SRGAP1: variants seen among roughly 807,000 people sequenced by gnomAD.
SRGAP1 encodes the protein SLIT-ROBO Rho GTPase-activating protein 1.
A neutral mutation model predicts 121.9 loss-of-function variants in SRGAP1; 43 were observed. The ratio of observed to expected loss-of-function variants is 0.35; its 90% CI spans 0.28 to 0.46. The LOEUF (loss-of-function observed/expected upper bound fraction) is 0.46, where lower values mean the gene tolerates loss of function less well. Ranked by LOEUF, SRGAP1 falls within the 20% of genes least tolerant of loss-of-function variation. The probability of loss-of-function intolerance (pLI) is 1.00; values close to 1 mark genes in which losing one functional copy is unlikely to be tolerated. For missense variants in SRGAP1, 1,102 were observed against 1,350.9 expected, an observed-to-expected ratio of 0.82 and a Z score of 2.89; for synonymous variants, 447 against 485.4, an observed-to-expected ratio of 0.92 and a Z score of 1.04.
chr12:63,931,660 G>C (rs1390540430), intron 1 of SRGAP1, among the ~76,000 whole-genome samples: 1 of 152,046 alleles, frequency 6.6e-6, no homozygotes, highest in African/African-American at 2.4e-5. Flanking sequence ...ACGTGCTATG[G>C]GTCTTGTCAA....
chr12:63,859,640 A>G (rs1003377763), intron 1 of SRGAP1, among the ~76,000 whole-genome samples: 1 of 152,194 alleles, frequency 6.6e-6, no homozygotes, highest in African/African-American at 2.4e-5. Flanking sequence ...TTAAGATAAT[A>G]CAGTTATTTT....
chr12:63,868,975 T>C (rs1899758894), intron 1 of SRGAP1, among the ~76,000 whole-genome samples: 1 of 152,194 alleles, frequency 6.6e-6, no homozygotes. Flanking sequence ...TCACTAGTTG[T>C]GTCAAAAATA....
intron 6 of SRGAP1, among the ~76,000 whole-genome samples, chr12:64,049,869 A>G (rs1341406813): frequency 6.6e-6 from 1 of 152,114 alleles, no homozygotes; most frequent in Non-Finnish European, 1.5e-5. Flanking sequence ...GGCTTTGGCT[A>G]CTGGAGGTTT....
intron 3 of SRGAP1, among the ~76,000 whole-genome samples, chr12:64,011,927 C>A (rs1271451660): frequency 2.0e-5 from 3 of 152,040 alleles, no homozygotes; most frequent in Non-Finnish European, 4.4e-5. Flanking sequence ...CATGGCAAAA[C>A]CCTCTCTACA....
At chr12:64,085,356 C>T (rs1286818365) in intron 10 of SRGAP1, among the ~76,000 whole-genome samples, 1 of 151,996 alleles carries the variant, frequency 6.6e-6, no homozygotes, top group Non-Finnish European at 1.5e-5. Context: ...TGCATCATAC[C>T]TAATTAGACT....
chr12:64,010,885 C>T (rs923675877), intron 3 of SRGAP1, among the ~76,000 whole-genome samples: 2 of 150,960 alleles, frequency 1.3e-5, no homozygotes, highest in African/African-American at 4.9e-5. Context: ...GAACTCTTAG[C>T]CAGTATACTA....
chr12:63,854,080 A>G (rs1038803788), intron 1 of SRGAP1, among the ~76,000 whole-genome samples: 1 of 152,222 alleles, frequency 6.6e-6, no homozygotes, highest in African/African-American at 2.4e-5. Context: ...AGTTTAAAGA[A>G]TAGTAGCTTT....
chr12:64,121,608 T>C (rs1019752771), intron 18 of SRGAP1, among the ~76,000 whole-genome samples: 1 of 152,092 alleles, frequency 6.6e-6, no homozygotes, highest in Non-Finnish European at 1.5e-5. Flanking sequence ...CATCCTTTCT[T>C]TTGGGTTTCT....
intron 1 of SRGAP1, among the ~76,000 whole-genome samples, chr12:63,849,433 G>A (rs1317876472): frequency 1.3e-5 from 2 of 152,216 alleles, no homozygotes; most frequent in Non-Finnish European, 2.9e-5. Context: ...AATGCATGTT[G>A]CTAGTTGCTA....
At chr12:64,091,414 TGCTTCTTAC>T in intron 12 of SRGAP1, 36 bp downstream of exon 12, 2 of 1,481,742 alleles carry the variant, frequency 1.3e-6, no homozygotes, top group Non-Finnish European at 1.9e-6. Flanking sequence ...CTGATCTCCA[TGCTTCTTAC>T]TATAATGGTC....
chr12:63,958,971 G>T (rs1439406905), intron 1 of SRGAP1, among the ~76,000 whole-genome samples: 2 of 152,126 alleles, frequency 1.3e-5, no homozygotes, highest in Non-Finnish European at 2.9e-5. Flanking sequence ...CTCCAGGGAG[G>T]TAATACAAAT....
chr12:63,853,340 G>A (rs2136256434), intron 1 of SRGAP1, among the ~76,000 whole-genome samples: 1 of 152,142 alleles, frequency 6.6e-6, no homozygotes, highest in Non-Finnish European at 1.5e-5. Context: ...AAAATTTTAA[G>A]TTGAATTCAA....
At chr12:63,993,853 C>T (rs1220105488) in intron 3 of SRGAP1, among the ~76,000 whole-genome samples, 3 of 141,826 alleles carry the variant, frequency 2.1e-5, no homozygotes, top group African/African-American at 8.0e-5. Flanking sequence ...AAGTTTTCAA[C>T]AGGTTAAAAA....
intron 15 of SRGAP1, among the ~76,000 whole-genome samples, chr12:64,103,046 C>T (rs117284975): frequency 0.037 from 5,612 of 152,156 alleles, 133 homozygotes; most frequent in Middle Eastern, 0.082. Flanking sequence ...ATTGCAGTGG[C>T]GTGATCACAG....
At position 64,128,081 on chromosome 12, in the gene SRGAP1, A is replaced by T; in HGVS notation, c.2761A>T (p.Ile921Phe). 1 of 1,614,116 alleles carries T rather than the reference A, an allele frequency of 6.2e-7. No individual in the cohort carries two copies. Among genetic ancestry groups the T allele is most frequent in the Middle Eastern group, 1.6e-4 (1 of 6,062 alleles). ...GCCTGGCCATGGCAGCCTGACCAAC[A>T]TCAGCCGGCACGACTCCCTCAAGAA... ...RRPGHGSLTN[I>F]SRHDSLKKID... Residue 921 changes from isoleucine (I) to phenylalanine (F), a missense_variant, in exon 21 of 22, where the codon ATC (isoleucine) becomes TTC (phenylalanine). Physicochemically the swap from Ile to Phe is conservative, Grantham distance 21. Transcript: ENST00000355086.
intron 3 of SRGAP1, among the ~76,000 whole-genome samples, chr12:63,994,112 A>G (rs994259748): frequency 1.3e-5 from 2 of 152,092 alleles, no homozygotes; most frequent in South Asian, 4.2e-4. Flanking sequence ...ATAGTAATCT[A>G]CTCCAGATAG....
intron 21 of SRGAP1, among the ~76,000 whole-genome samples, chr12:64,137,930 C>G (rs1033956396): frequency 7.2e-6 from 1 of 138,268 alleles, no homozygotes; most frequent in Non-Finnish European, 1.5e-5. Context: ...AACACTCTGC[C>G]TTTTTCTTTC....
At chr12:63,873,533 C>CA (rs1337537568) in intron 1 of SRGAP1, among the ~76,000 whole-genome samples, 840 of 49,178 alleles carry the variant, frequency 0.017, 6 homozygotes, top group African/African-American at 0.05. Context: ...AAATCCGTCT[C>CA]AAAAAAAAAA....
intron 1 of SRGAP1, among the ~76,000 whole-genome samples, chr12:63,935,465 A>T (rs1360180038): frequency 6.6e-6 from 1 of 152,186 alleles, no homozygotes; most frequent in Non-Finnish European, 1.5e-5. Flanking sequence ...TTATGAAGTG[A>T]ATTTTCTGAG....
Sources: allele counts gnomAD v4.1 joint callset (sites outside exome capture counted in the v4.1 genomes callset), GRCh38; gene constraint gnomAD v4.1.1; transcripts MANE v1.5; gene names NCBI Gene and HGNC (gene_info 2026-07-23, HGNC 2026-07-21).